The following C1orf185 variants were observed in gnomAD, a reference collection of about 807,000 sequenced individuals.
The protein encoded by C1orf185 is chromosome 1 open reading frame 185.
In C1orf185, 13 loss-of-function variants were observed where a neutral mutation model predicts 16.1. The observed-to-expected ratio is 0.81, with a 90% CI of 0.53 to 1.28. The LOEUF (loss-of-function observed/expected upper bound fraction) is 1.28, where lower values mean the gene tolerates loss of function less well. Among genes scored for constraint, C1orf185 ranks in the 50% most tolerant of loss-of-function variants. C1orf185 has a pLI of 0.00. For synonymous variants in C1orf185, 80 were observed against 76.9 expected (o/e 1.04, Z -0.21); for missense variants, 220 against 225.2 (o/e 0.98, Z 0.15).
chr1:51,136,064 C>T (rs1245079791), intron 3 of C1orf185, among the ~76,000 whole-genome samples: 2 of 152,060 alleles, frequency 1.3e-5, no homozygotes, highest in African/African-American at 4.8e-5. Flanking sequence ...ACAATTGCCA[C>T]AAAAAATATA....
At chr1:51,122,213 A>G (rs1646202730) in intron 3 of C1orf185, among the ~76,000 whole-genome samples, 1 of 152,212 alleles carries the variant, frequency 6.6e-6, no homozygotes, top group African/African-American at 2.4e-5. Context: ...AAATCTTTAT[A>G]GAGGCTATAC....
At chr1:51,142,344 C>G (rs1646370194) in intron 3 of C1orf185, among the ~76,000 whole-genome samples, 1 of 152,182 alleles carries the variant, frequency 6.6e-6, no homozygotes, top group South Asian at 2.1e-4. Context: ...AAGTCCACGA[C>G]AGTTATTTTA....
At chr1:51,115,849 A>C (rs1232249764) in intron 2 of C1orf185, among the ~76,000 whole-genome samples, 1 of 152,162 alleles carries the variant, frequency 6.6e-6, no homozygotes, top group Non-Finnish European at 1.5e-5. Context: ...ATGGAGTTGG[A>C]TCTGGGATAG....
chr1:51,136,359 G>T (rs1463141778), intron 3 of C1orf185, among the ~76,000 whole-genome samples: 1 of 144,510 alleles, frequency 6.9e-6, no homozygotes. Context: ...TTTTTGAGAT[G>T]GAGTCTTGCT....
intron 1 of C1orf185, among the ~76,000 whole-genome samples, chr1:51,110,669 A>T (rs939240259): frequency 6.6e-6 from 1 of 152,212 alleles, no homozygotes; most frequent in African/African-American, 2.4e-5. Context: ...AAAGCCTCCT[A>T]TGAAAGCTTT....
At chr1:51,112,367 A>C in intron 1 of C1orf185, 97 bp from the exon 2 acceptor site, 1 of 977,594 alleles carries the variant, frequency 1.0e-6, no homozygotes, top group Non-Finnish European at 1.5e-6. Flanking sequence ...ATGTCTTAAC[A>C]CTACAACATG....
chr1:51,132,971 A>G (rs1484363567), intron 3 of C1orf185, among the ~76,000 whole-genome samples: 1 of 152,216 alleles, frequency 6.6e-6, no homozygotes, highest in Non-Finnish European at 1.5e-5. Flanking sequence ...AACCTTCATA[A>G]ACAAAGGAGA....
At chr1:51,122,740 T>G (rs1646206924) in intron 3 of C1orf185, among the ~76,000 whole-genome samples, 1 of 152,234 alleles carries the variant, frequency 6.6e-6, no homozygotes, top group African/African-American at 2.4e-5. Context: ...CTTCTCTGAT[T>G]TATCCCTCCC....
Position 51,147,860 on chromosome 1 carries a change from C to A in C1orf185, c.*89C>A. 1 of 1,202,676 alleles carries A rather than the reference C, an allele frequency of 8.3e-7. No individual in the cohort carries two copies. Among genetic ancestry groups the A allele is most frequent in the Non-Finnish European group, 1.1e-6 (1 of 895,112 alleles). The allele number at this position is 1,202,676 out of a possible 1,614,324, so 74.5% of individuals were successfully genotyped here. On this transcript the variant is annotated 3_prime_UTR_variant, in exon 5 of 5. Transcript: ENST00000371759. ...AAACCTTCAACATAATACTGAATGA[C>A]TTTTTTCTTTTGAAACCTTGTATAC... is the stretch of plus-strand genomic sequence containing the variant.
intron 1 of C1orf185, among the ~76,000 whole-genome samples, chr1:51,103,410 A>AAAACACAC (rs1553161775): frequency 7.8e-6 from 1 of 128,922 alleles, no homozygotes; most frequent in Admixed American, 8.1e-5. Flanking sequence ...TGTCTCGAAA[A>AAAACACAC]ACACACACAC....
chr1:51,124,081 G>GTTTTT (rs893846873), intron 3 of C1orf185, among the ~76,000 whole-genome samples: 94 of 113,528 alleles, frequency 8.3e-4, no homozygotes, highest in East Asian at 1.0e-3. Flanking sequence ...ACTGTAGTTT[G>GTTTTT]TTTTTTTTTT....
intron 3 of C1orf185, among the ~76,000 whole-genome samples, chr1:51,132,428 C>T (rs946091748): frequency 2.0e-5 from 3 of 152,104 alleles, no homozygotes; most frequent in Non-Finnish European, 4.4e-5. Flanking sequence ...AAACACACTA[C>T]ATGAATTTCA....
At chr1:51,147,347 G>C in intron 4 of C1orf185, 120 bp from the exon 5 acceptor site, 1 of 841,066 alleles carries the variant, frequency 1.2e-6, no homozygotes, top group South Asian at 2.0e-5. Flanking sequence ...ATATAACACT[G>C]TGTGGATGAT....
chr1:51,112,637 A>G, intron 2 of C1orf185, 68 bp downstream of exon 2: 1 of 1,344,334 alleles, frequency 7.4e-7, no homozygotes. Context: ...ACTTTTTCAA[A>G]TGGAAGTAAA....
chr1:51,116,242 G>A (rs778485998), intron 2 of C1orf185, among the ~76,000 whole-genome samples: 2 of 150,656 alleles, frequency 1.3e-5, no homozygotes, highest in Non-Finnish European at 2.9e-5. Context: ...CTTCAGTATC[G>A]TACTCATTTA....
At chr1:51,120,196 G>A (rs1203135789) in intron 3 of C1orf185, among the ~76,000 whole-genome samples, 1 of 152,188 alleles carries the variant, frequency 6.6e-6, no homozygotes, top group Non-Finnish European at 1.5e-5. Flanking sequence ...CGCTGGGGAT[G>A]AGATTGCGAT....
rs142953385 is a variant in C1orf185, at chr1:51,145,699, A to G, written c.259-25A>G. Reference sequence around the variant, plus strand: ...ATATAAAAATTATTCTGATTTTAAAACACAAATAACTTTTTTTAATGTAGG... The same window carrying G: ...ATATAAAAATTATTCTGATTTTAAAGCACAAATAACTTTTTTTAATGTAGG... On this transcript the variant is annotated intron_variant, in intron 3 of 4. Transcript: ENST00000371759. 4,474 of 1,245,770 alleles carry G rather than the reference A, an allele frequency of 3.6e-3. 10 individuals are homozygous for G. The highest frequency in any genetic ancestry group is 3.8e-3 in the Non-Finnish European group (3,529 of 917,258). The allele number at this position is 1,245,770 out of a possible 1,614,324, so 77.2% of individuals were successfully genotyped here. A position where few individuals can be genotyped will look rare whatever the true frequency, so the allele number is the denominator to read the frequency against.
intron 3 of C1orf185, among the ~76,000 whole-genome samples, chr1:51,123,805 G>A (rs1029325754): frequency 9.9e-5 from 15 of 152,082 alleles, no homozygotes; most frequent in Admixed American, 7.9e-4. Context: ...TATCTTCTTC[G>A]ATGAGGTGTC....
At chr1:51,143,256 C>T (rs1646378309) in intron 3 of C1orf185, among the ~76,000 whole-genome samples, 1 of 152,208 alleles carries the variant, frequency 6.6e-6, no homozygotes, top group South Asian at 2.1e-4. Context: ...ATACAAATTA[C>T]TTGCGCCTGA....
Sources: allele counts gnomAD v4.1 joint callset (sites outside exome capture counted in the v4.1 genomes callset), GRCh38; gene constraint gnomAD v4.1.1; transcripts MANE v1.5; gene names NCBI Gene and HGNC (gene_info 2026-07-23, HGNC 2026-07-21).